MAP3K15: variants seen among roughly 807,000 people sequenced by gnomAD.
MAP3K15 encodes the protein mitogen-activated protein kinase kinase kinase 15, also known as MAPK/ERK kinase kinase 15.
A neutral mutation model predicts 99.5 loss-of-function variants in MAP3K15; 124 were observed. That is an observed-to-expected ratio of 1.25 (90% CI 1.08 to 1.45). The LOEUF is 1.45. Among genes scored for constraint, MAP3K15 ranks in the 40% most tolerant of loss-of-function variants. MAP3K15 has a pLI of 0.00. For missense variants in MAP3K15, 1,242 were observed against 1,079.7 expected (o/e 1.15, Z -2.11); for synonymous variants, 494 against 439.6 (o/e 1.12, Z -1.55).
intron 1 of MAP3K15, among the ~76,000 whole-genome samples, chrX:19,507,948 A>G (rs751819716): frequency 2.7e-5 from 3 of 111,972 alleles, no homozygotes; most frequent in Admixed American, 9.5e-5. Context: ...GCTCACTGCA[A>G]CCTCTGCCTT....
chrX:19,368,009 A>G (rs1454914667), intron 25 of MAP3K15, among the ~76,000 whole-genome samples: 1 of 109,501 alleles, frequency 9.1e-6, no homozygotes, highest in Non-Finnish European at 1.9e-5. Flanking sequence ...GGCCTCCCAA[A>G]GTGCTGGGAT....
chrX:19,395,992 C>T (rs2063565667), intron 15 of MAP3K15, among the ~76,000 whole-genome samples: 1 of 111,749 alleles, frequency 8.9e-6, no homozygotes, highest in African/African-American at 3.3e-5. Flanking sequence ...CAAATTCTTA[C>T]TCATCCCTCA....
chrX:19,498,636 T>A (rs779097982), intron 1 of MAP3K15, among the ~76,000 whole-genome samples: 49 of 112,083 alleles, frequency 4.4e-4, no homozygotes, highest in Admixed American at 1.5e-3. Context: ...CTGCACTTCC[T>A]GTACTTTCCT....
chrX:19,488,104 A>ATGAT (rs1461409279), intron 2 of MAP3K15, among the ~76,000 whole-genome samples: 1 of 111,962 alleles, frequency 8.9e-6, no homozygotes. Context: ...TATTCCTAAA[A>ATGAT]TGATTTAACA....
At chrX:19,417,084 A>C (rs1936284969) in intron 9 of MAP3K15, among the ~76,000 whole-genome samples, 1 of 112,354 alleles carries the variant, frequency 8.9e-6, no homozygotes, top group African/African-American at 3.2e-5. Context: ...ATGGCTGAAT[A>C]CGAACAACTC....
intron 9 of MAP3K15, among the ~76,000 whole-genome samples, chrX:19,420,302 T>TAAA (rs1214926621): frequency 9.2e-6 from 1 of 108,784 alleles, no homozygotes; most frequent in Admixed American, 9.8e-5. Context: ...GCAAGACTAA[T>TAAA]AAAGAAAAGA....
In MAP3K15 at chrX:19,400,574, A is replaced by T. The variant is rs769424779; in HGVS notation, c.1932+2T>A. 12 of 1,180,027 alleles carry T rather than the reference A, an allele frequency of 1.0e-5. No individual in the cohort carries two copies. The East Asian group carries it at 3.6e-4, about 35-fold the overall frequency. The stretch of plus-strand genomic sequence containing the variant: ...CCATATTCTAGATCGTCCATGACTC[A>T]CCTCCAAGGTGTCTCCATCGGTCTC... On this transcript the variant is annotated splice_donor_variant, in intron 14 of 28. Coordinates refer to ENST00000338883, the MANE Select transcript of MAP3K15 (RefSeq NM_001001671.4). LOFTEE classifies it high-confidence loss of function.
In MAP3K15 at chrX:19,392,477, G is replaced by A. The variant is rs1342097035; in HGVS notation, c.2195-4C>T. The A allele has an allele frequency of 8.3e-7, 1 of 1,200,699 alleles. No individual in the cohort carries two copies. The highest frequency in any genetic ancestry group is 1.1e-6 in the Non-Finnish European group (1 of 891,778). ...CGCAGAAGAGCAGAAAGGCTTCCTA[G>A]AGACAGTCACAGCAAAAAACTTATC... On this transcript the variant is annotated splice_polypyrimidine_tract_variant and splice_region_variant and intron_variant, in intron 16 of 28. Transcript: ENST00000338883.
rs2063654858 is a variant in MAP3K15, at chrX:19,407,219, T to C, written c.1813A>G (p.Ile605Val). The change falls in exon 13 of 29, where the codon ATC becomes GTC. Residue 605 changes from isoleucine to valine, a missense_variant. Physicochemically the swap from Ile to Val is conservative, Grantham distance 29. Coordinates refer to ENST00000338883, the MANE Select transcript of MAP3K15 (RefSeq NM_001001671.4). ...CACTGCTCTTCGGTGGAAAAGTAGA[T>C]TTGAAAGTCATCAGAATTATCATGG... ...YVHDNSDDFQ[I>V]YFSTEEQCSR... is the part of the protein sequence containing the mutation. 8.3e-7 allele frequency: 1 copy of C among 1,198,117 alleles called. No individual in the cohort carries two copies. Among genetic ancestry groups the C allele is most frequent in the Non-Finnish European group, 1.1e-6 (1 of 889,326 alleles).
chrX:19,496,819 C>T (rs1380813137), intron 1 of MAP3K15: 1 of 111,845 alleles, frequency 8.9e-6, no homozygotes, highest in African/African-American at 3.3e-5. Flanking sequence ...AGCATCCGGA[C>T]TTCTGCCTGG....
intron 3 of MAP3K15, among the ~76,000 whole-genome samples, chrX:19,479,034 T>C (rs1398664724): frequency 9.0e-6 from 1 of 111,632 alleles, no homozygotes; most frequent in Non-Finnish European, 1.9e-5. Flanking sequence ...AAAAAAATTA[T>C]AGCAGTACCT....
chrX:19,397,161 C>T (rs2063573205), intron 15 of MAP3K15, among the ~76,000 whole-genome samples: 1 of 111,071 alleles, frequency 9.0e-6, no homozygotes, highest in African/African-American at 3.3e-5. Flanking sequence ...GCCTCAGCCT[C>T]CCAAAGTGCT....
At chrX:19,507,771 G>A (rs2064489496) in intron 1 of MAP3K15, among the ~76,000 whole-genome samples, 1 of 109,496 alleles carries the variant, frequency 9.1e-6, no homozygotes, top group African/African-American at 3.3e-5. Context: ...GGGTTGATGG[G>A]AACACTCTGC....
At position 19,492,754 on chromosome X, in the gene MAP3K15, G is replaced by A. The variant is rs1870367; in HGVS notation, c.362-3787C>T. 5.1e-3 allele frequency among the ~76,000 whole-genome samples: 569 copies of A among 111,200 alleles called. 2 individuals carry two copies. The highest frequency in any genetic ancestry group is 0.018 in the African/African-American group (540 of 30,616). ...GGCGGAGGTGGGTGGATCACCTCAGGTCAGTAGTTTGAGACCAGCCTACCC... is the reference window on the plus strand; with the variant it reads ...GGCGGAGGTGGGTGGATCACCTCAGATCAGTAGTTTGAGACCAGCCTACCC... On this transcript the variant is annotated intron_variant, in intron 1 of 28. Coordinates refer to ENST00000338883, the MANE Select transcript of MAP3K15 (RefSeq NM_001001671.4).
chrX:19,389,629 C>T (rs917569846), intron 18 of MAP3K15, among the ~76,000 whole-genome samples: 1 of 112,320 alleles, frequency 8.9e-6, no homozygotes, highest in Admixed American at 9.4e-5. Context: ...ATGCAAAATC[C>T]GTGCCTCCCC....
intron 3 of MAP3K15, among the ~76,000 whole-genome samples, chrX:19,474,567 A>T (rs2064229421): frequency 1.0e-5 from 1 of 99,825 alleles, no homozygotes; most frequent in African/African-American, 3.7e-5. Context: ...TGTGAACTTG[A>T]AAGAGAAAAA....
chrX:19,443,332 C>T (rs1346473103), intron 6 of MAP3K15, among the ~76,000 whole-genome samples: 1 of 111,526 alleles, frequency 9.0e-6, no homozygotes, highest in Non-Finnish European at 1.9e-5. Context: ...TGCGCCCAAC[C>T]CCATTCAACA....
At chrX:19,452,948 C>T (rs1381193396) in intron 6 of MAP3K15, among the ~76,000 whole-genome samples, 2 of 110,603 alleles carry the variant, frequency 1.8e-5, no homozygotes, top group African/African-American at 3.3e-5. Flanking sequence ...AAAGATTGGA[C>T]AGTAGTGCTG....
chrX:19,457,109 G>T lies in MAP3K15; in HGVS notation c.889-90C>A, dbSNP rs747882755. The T allele has an allele frequency of 1.7e-5, 10 of 603,516 alleles. No homozygotes were observed. The Middle Eastern group carries it at 1.8e-3, about 107-fold the overall frequency. The allele number at this position is 603,516 out of a possible 1,213,427, so 49.7% of individuals were successfully genotyped here. On this transcript the variant is annotated intron_variant, in intron 5 of 28. Coordinates refer to ENST00000338883, the MANE Select transcript of MAP3K15 (RefSeq NM_001001671.4). ...TTGTTATAAACAGGAGACAGCCTCC[G>T]CACTTAAAGACAGGCCCTTCCTTAC...
Sources: allele counts gnomAD v4.1 joint callset (sites outside exome capture counted in the v4.1 genomes callset), GRCh38; gene constraint gnomAD v4.1.1; transcripts MANE v1.5; gene names NCBI Gene and HGNC (gene_info 2026-07-23, HGNC 2026-07-21).